The following DPP3 variants were observed in gnomAD, a reference collection of about 807,000 sequenced individuals.
DPP3 encodes the protein dipeptidyl peptidase 3, also known as DPP III.
Under a neutral mutation model 89.8 loss-of-function variants are expected in DPP3, and 64 were observed. That is an observed-to-expected ratio of 0.71 (90% confidence interval 0.58 to 0.88). The LOEUF is 0.88. DPP3 is among the 40% of genes least tolerant of loss of function. The pLI, the probability that DPP3 is intolerant of heterozygous loss-of-function variation, is 0.00. For missense variants in DPP3, 835 were observed against 972.5 expected (o/e 0.86, Z 1.88); for synonymous variants, 377 against 404.3 (o/e 0.93, Z 0.81).
At chr11:66,485,483 G>T (rs993070505) in intron 3 of DPP3, among the ~76,000 whole-genome samples, 1 of 152,186 alleles carries the variant, frequency 6.6e-6, no homozygotes, top group Non-Finnish European at 1.5e-5. Flanking sequence ...CTGCTGATCC[G>T]CAGGCTGAAC....
intron 16 of DPP3, among the ~76,000 whole-genome samples, chr11:66,500,279 G>C (rs754899395): frequency 1.3e-5 from 2 of 152,062 alleles, no homozygotes; most frequent in African/African-American, 4.8e-5. Flanking sequence ...GCTCAAACCT[G>C]GAAGGTGGAG....
At chr11:66,496,769 A>AC (rs1590742125) in intron 15 of DPP3, among the ~76,000 whole-genome samples, 1 of 152,246 alleles carries the variant, frequency 6.6e-6, no homozygotes, top group East Asian at 1.9e-4. Context: ...AGGCGATGTG[A>AC]CGTCATTCAG....
chr11:66,492,143 T>C (rs1855409989), intron 9 of DPP3, among the ~76,000 whole-genome samples: 1 of 152,194 alleles, frequency 6.6e-6, no homozygotes, highest in African/African-American at 2.4e-5. Context: ...TGTGTGATCT[T>C]GGGCCAAATA....
At position 66,482,334 on chromosome 11, in the gene DPP3, G is replaced by C; in HGVS notation, c.134G>C (p.Gly45Ala). Residue 45 changes from glycine to alanine, a missense_variant, in exon 2 of 18, where the codon GGC (glycine) becomes GCC (alanine). Coordinates refer to ENST00000531863, the MANE Select transcript of DPP3 (RefSeq NM_130443.4). ...YHLSRAAWYG[G>A]LAVLLQTSPE... is the part of the protein sequence containing the mutation. Reference sequence around the variant, plus strand: ...CTGTCCCGTGCCGCCTGGTACGGAGGCCTGGCTGTGCTGCTTCAGACCTCC... The same window carrying C: ...CTGTCCCGTGCCGCCTGGTACGGAGCCCTGGCTGTGCTGCTTCAGACCTCC... The C allele has an allele frequency of 6.2e-7, 1 of 1,613,662 alleles. No homozygotes were observed. Among genetic ancestry groups the C allele is most frequent in the Non-Finnish European group, 8.5e-7 (1 of 1,180,026 alleles).
At chr11:66,505,175 G>A (rs1855769861) in intron 17 of DPP3, among the ~76,000 whole-genome samples, 1 of 152,142 alleles carries the variant, frequency 6.6e-6, no homozygotes, top group Admixed American at 6.6e-5. Flanking sequence ...AGGGGACAGT[G>A]GACTCGGTCA....
In DPP3 at chr11:66,491,609, G is replaced by T. The variant is rs199675857; in HGVS notation, c.914G>T (p.Gly305Val). The stretch of plus-strand genomic sequence containing the variant: ...TCCCGCTTCTGGATCCAGGACAAAG[G>T]CCCCATCGTGGAGAGGTGAGGCGCC... Reference protein sequence around the residue: ...RGSRFWIQDKGPIVESYIGFI... With the variant: ...RGSRFWIQDKVPIVESYIGFI... Residue 305 changes from glycine (G) to valine (V), a missense_variant, in exon 8 of 18, where the codon GGC becomes GTC. By Grantham distance (109) the Gly-to-Val change is moderately radical (BLOSUM62 -3). Coordinates refer to ENST00000531863, the MANE Select transcript of DPP3 (RefSeq NM_130443.4). 3 of 1,613,560 alleles carry T rather than the reference G, an allele frequency of 1.9e-6. No homozygotes were observed. The South Asian group carries it at 3.3e-5, about 18-fold the overall frequency.
rs541631155 is a variant in DPP3, at chr11:66,506,210, C to T, written c.2041+1436C>T. On this transcript the variant is annotated intron_variant, in intron 17 of 17. Coordinates refer to ENST00000531863, the MANE Select transcript of DPP3 (RefSeq NM_130443.4). ...CAAGTGATCTACCCACCTCAGCCTC[C>T]CAAAGTGCTGGGATTACAGGCGTGA... is the stretch of plus-strand genomic sequence containing the variant. Among the ~76,000 whole-genome samples the T allele has an allele frequency of 3.3e-5, 5 of 152,094 alleles. No individual in the cohort carries two copies. In the South Asian group the frequency reaches 1.0e-3, roughly 32 times the overall value.
intron 2 of DPP3, among the ~76,000 whole-genome samples, chr11:66,483,991 T>G (rs1015968908): frequency 2.0e-5 from 3 of 151,966 alleles, no homozygotes; most frequent in Admixed American, 6.6e-5. Flanking sequence ...TTTTTTTTTT[T>G]TGTGGGGGAC....
chr11:66,495,452 G>T lies in DPP3; in HGVS notation c.1540G>T (p.Val514Leu), dbSNP rs765388860. 6.2e-7 allele frequency: 1 copy of T among 1,612,252 alleles called. No homozygotes were observed. ...SSYEECRAES[V>L]GLYLCLHPQV... is the part of the protein sequence containing the mutation. ...CTACGAAGAGTGCCGGGCTGAGAGCGTGGGTCTCTACCTCTGTCTCCACCC... is the reference window on the plus strand; with the variant it reads ...CTACGAAGAGTGCCGGGCTGAGAGCTTGGGTCTCTACCTCTGTCTCCACCC... The change falls in exon 14 of 18, where the codon GTG becomes TTG. Residue 514 changes from valine to leucine, a missense_variant. Transcript: ENST00000531863.
intron 2 of DPP3, 61 bp downstream of exon 2, chr11:66,482,531 T>C: frequency 6.4e-7 from 1 of 1,573,856 alleles, no homozygotes. Context: ...AAGACCAGGA[T>C]GCAAATGTCT....
At position 66,487,935 on chromosome 11, in the gene DPP3, C is replaced by T. The variant is rs954243723; in HGVS notation, c.595C>T (p.Arg199Trp). Residue 199 changes from arginine (R) to tryptophan (W), a missense_variant, in exon 6 of 18, where the codon CGG (arginine) becomes TGG (tryptophan). By Grantham distance (101) the Arg-to-Trp change is moderately radical (BLOSUM62 -3). Coordinates refer to ENST00000531863, the MANE Select transcript of DPP3 (RefSeq NM_130443.4). ...CTAGAACCTCAGTGCCTACAACACCCGGCTCTTCAAAGAGGTCGATGGAGA... is the reference window on the plus strand; with the variant it reads ...CTAGAACCTCAGTGCCTACAACACCTGGCTCTTCAAAGAGGTCGATGGAGA... Reference protein sequence around the residue: ...DSQNLSAYNTRLFKEVDGEGK... With the variant: ...DSQNLSAYNTWLFKEVDGEGK... 1.9e-6 allele frequency: 3 copies of T among 1,613,910 alleles called. No individual in the cohort carries two copies. The highest frequency in any genetic ancestry group is 2.2e-5 in the East Asian group (1 of 44,896).
chr11:66,491,631 C>T lies in DPP3; in HGVS notation c.929+7C>T, dbSNP rs763670253. 11 of 1,611,628 alleles carry T rather than the reference C, an allele frequency of 6.8e-6. No individual in the cohort carries two copies. Among genetic ancestry groups the T allele is most frequent in the African/African-American group, 2.7e-5 (2 of 74,882 alleles). On this transcript the variant is annotated splice_region_variant and intron_variant, in intron 8 of 17. Coordinates refer to ENST00000531863, the MANE Select transcript of DPP3 (RefSeq NM_130443.4). ...AAGGCCCCATCGTGGAGAGGTGAGG[C>T]GCCAGCTCCACCCCACCTGCCCCCT...
At chr11:66,498,856 T>A (rs1855608538) in intron 16 of DPP3, among the ~76,000 whole-genome samples, 1 of 151,838 alleles carries the variant, frequency 6.6e-6, no homozygotes, top group African/African-American at 2.4e-5. Flanking sequence ...CTACAAAAAA[T>A]TTTAAAAATA....
intron 12 of DPP3, 66 bp downstream of exon 12, chr11:66,493,699 C>G (rs1855458298): frequency 6.7e-7 from 1 of 1,502,336 alleles, no homozygotes; most frequent in African/African-American, 1.4e-5. Flanking sequence ...CCTGCCCTAC[C>G]CAGCGGTGAA....
intron 17 of DPP3, among the ~76,000 whole-genome samples, chr11:66,506,300 G>T (rs1855799551): frequency 6.7e-6 from 1 of 150,222 alleles, no homozygotes; most frequent in Admixed American, 6.7e-5. Flanking sequence ...TGTTGCCCAG[G>T]CTGGAGTGCA....
rs772520306 is a variant in DPP3 at position 66,491,379 on chromosome 11, C to T, written c.794C>T (p.Ala265Val). The T allele has an allele frequency of 6.2e-7, 1 of 1,613,574 alleles. No homozygotes were observed. The highest frequency in any genetic ancestry group is 8.5e-7 in the Non-Finnish European group (1 of 1,179,746). Residue 265 changes from alanine to valine, a missense_variant, in exon 7 of 18, where the codon GCC becomes GTC. Physicochemically the swap from Ala to Val is moderately conservative, Grantham distance 64. Coordinates refer to ENST00000531863, the MANE Select transcript of DPP3 (RefSeq NM_130443.4). ...AAGGTGGTGGAGCAGCTGGAGAAAG[C>T]CAAGGTTGGACTGGCTGGGGGCTGA... ...LQKVVEQLEK[A>V]KAYAANSHQG...
At chr11:66,492,611 G>A (rs1333869227) in intron 9 of DPP3, 105 bp from the exon 10 acceptor site, 2 of 1,324,818 alleles carry the variant, frequency 1.5e-6, no homozygotes. Context: ...AGCCCAGGGT[G>A]ACTGCATACA....
intron 15 of DPP3, among the ~76,000 whole-genome samples, chr11:66,496,240 TTTTG>T (rs1855532105): frequency 6.6e-6 from 1 of 152,106 alleles, no homozygotes; most frequent in Non-Finnish European, 1.5e-5. Context: ...ATAGAAACTT[TTTTG>T]TTTGTTCGTT....
chr11:66,499,158 C>T (rs949065384), intron 16 of DPP3, among the ~76,000 whole-genome samples: 4 of 151,970 alleles, frequency 2.6e-5, no homozygotes, highest in Non-Finnish European at 5.9e-5. Context: ...GTCAGCAGTT[C>T]GAGACCAGCC....
Sources: allele counts gnomAD v4.1 joint callset (sites outside exome capture counted in the v4.1 genomes callset), GRCh38; gene constraint gnomAD v4.1.1; transcripts MANE v1.5; gene names NCBI Gene and HGNC (gene_info 2026-07-23, HGNC 2026-07-21).